The following SLC2A9 variants were observed in gnomAD, a reference collection of about 807,000 sequenced individuals.
SLC2A9 encodes solute carrier family 2, facilitated glucose transporter member 9.
A neutral mutation model predicts 50.6 loss-of-function variants in SLC2A9; 39 were observed. That is an observed-to-expected ratio of 0.77 (90% CI 0.60 to 1.01). SLC2A9 has a LOEUF of 1.01. Ranked by LOEUF, SLC2A9 falls within the 50% of genes least tolerant of loss-of-function variation. The pLI is 0.00. For synonymous variants in SLC2A9, 324 were observed against 276.9 expected, an observed-to-expected ratio of 1.17 and a Z score of -1.69; for missense variants, 686 against 677.6, an observed-to-expected ratio of 1.01 and a Z score of -0.14.
chr4:9,887,012 A>T (rs1736393302), intron 10 of SLC2A9, among the ~76,000 whole-genome samples: 1 of 152,230 alleles, frequency 6.6e-6, no homozygotes, highest in Non-Finnish European at 1.5e-5. Context: ...ACACTCACAC[A>T]GCTACCATGT....
intron 6 of SLC2A9, among the ~76,000 whole-genome samples, chr4:9,929,295 G>A (rs919392712): frequency 4.9e-4 from 74 of 152,334 alleles, no homozygotes; most frequent in African/African-American, 1.7e-3. Flanking sequence ...GCTGGGTGTG[G>A]GAAGTTTACC....
chr4:10,027,388 A>G (rs1433547015), intron 1 of SLC2A9, among the ~76,000 whole-genome samples: 3 of 152,112 alleles, frequency 2.0e-5, no homozygotes, highest in Non-Finnish European at 2.9e-5. Context: ...CCTCCTGTTT[A>G]CCACCCCATT....
Position 9,826,376 on chromosome 4 carries a change from C to A in SLC2A9, c.*21G>T. 4 of 1,612,090 alleles carry A rather than the reference C, an allele frequency of 2.5e-6. 1 individual carries two copies. The South Asian group carries it at 4.4e-5, about 18-fold the overall frequency. ...CAATCCTGTTTTTGACATAATTGTC[C>A]AACGTGGAGGAGGAAACTTGTTAAG... is the stretch of plus-strand genomic sequence containing the variant. On this transcript the variant is annotated 3_prime_UTR_variant, in exon 12 of 12. Coordinates refer to ENST00000264784, the MANE Select transcript of SLC2A9 (RefSeq NM_020041.3).
intron 6 of SLC2A9, among the ~76,000 whole-genome samples, chr4:9,924,501 A>T (rs575811939): frequency 6.6e-6 from 1 of 152,260 alleles, no homozygotes; most frequent in Middle Eastern, 3.4e-3. Context: ...CCCACAGCTG[A>T]CACCTGCTCA....
intron 10 of SLC2A9, among the ~76,000 whole-genome samples, chr4:9,864,651 T>C (rs1464681930): frequency 2.0e-5 from 3 of 152,174 alleles, no homozygotes; most frequent in Non-Finnish European, 2.9e-5. Context: ...AACCCAAGCC[T>C]GGAAGAGTAC....
chr4:9,870,973 T>A (rs1447166562), intron 10 of SLC2A9, among the ~76,000 whole-genome samples: 1 of 152,154 alleles, frequency 6.6e-6, no homozygotes, highest in East Asian at 1.9e-4. Flanking sequence ...TTGCAGTACA[T>A]TGGTGTAATC....
intron 10 of SLC2A9, among the ~76,000 whole-genome samples, chr4:9,881,826 C>G (rs1475680482): frequency 6.6e-6 from 1 of 152,200 alleles, no homozygotes. Context: ...TCTTTACGGT[C>G]TTTTCCAAAC....
At chr4:9,959,455 C>T (rs1364132539) in intron 5 of SLC2A9, among the ~76,000 whole-genome samples, 2 of 149,222 alleles carry the variant, frequency 1.3e-5, no homozygotes, top group African/African-American at 4.9e-5. Flanking sequence ...CAATCTTAGA[C>T]ATCAATGGAT....
At chr4:9,920,931 G>T (rs1743825952) in intron 6 of SLC2A9, among the ~76,000 whole-genome samples, 3 of 152,284 alleles carry the variant, frequency 2.0e-5, no homozygotes, top group South Asian at 4.1e-4. Context: ...GCCTCCAATG[G>T]CTGTTGTAAT....
intron 10 of SLC2A9, among the ~76,000 whole-genome samples, chr4:9,865,623 A>G (rs896471908): frequency 6.6e-6 from 1 of 152,222 alleles, no homozygotes; most frequent in African/African-American, 2.4e-5. Flanking sequence ...CTTCTTGCAT[A>G]ATAGCTCTCA....
chr4:9,805,551 A>T (rs912362395), intron 3 of SLC2A9, among the ~76,000 whole-genome samples: 2 of 152,142 alleles, frequency 1.3e-5, no homozygotes, highest in African/African-American at 4.8e-5. Context: ...ATACAAAAAA[A>T]TCAGCCAGAC....
intron 5 of SLC2A9, among the ~76,000 whole-genome samples, chr4:9,951,133 A>G (rs1053736545): frequency 1.3e-5 from 2 of 152,236 alleles, no homozygotes; most frequent in African/African-American, 4.8e-5. Flanking sequence ...TGGTATATAT[A>G]CATCATGGAA....
rs1433496436 is a variant in SLC2A9 at position 9,863,229 on chromosome 4, C to T, written c.1291+24338G>A. On this transcript the variant is annotated intron_variant, in intron 10 of 11. Transcript: ENST00000264784. ...TGGCATGAACATGGCTCACTCTAAC[C>T]TCGATCTCCTGGGCTCAAGCCATCC... Among the ~76,000 whole-genome samples, 6 of 151,992 alleles carry T rather than the reference C, an allele frequency of 3.9e-5. 1 individual carries two copies. Among genetic ancestry groups the T allele is most frequent in the African/African-American group, 1.5e-4 (6 of 41,252 alleles).
At chr4:9,899,390 A>T (rs1739183334) in intron 8 of SLC2A9, among the ~76,000 whole-genome samples, 1 of 152,250 alleles carries the variant, frequency 6.6e-6, no homozygotes, top group Non-Finnish European at 1.5e-5. Context: ...GCAATTTCAC[A>T]TTCCAGTATT....
upstream of SLC2A9, chr4:10,025,898 A>C: frequency 6.2e-7 from 1 of 1,610,948 alleles, no homozygotes. Flanking sequence ...AAAAAAAAGG[A>C]CTGACCAATT....
intron 3 of SLC2A9, among the ~76,000 whole-genome samples, chr4:9,788,414 C>T (rs575524012): frequency 1.3e-5 from 2 of 149,798 alleles, no homozygotes; most frequent in South Asian, 4.2e-4. Context: ...TGGTCTCAAG[C>T]TCCTGGGCTC....
chr4:9,834,801 C>T (rs1317994742), intron 11 of SLC2A9, 80 bp downstream of exon 11: 41 of 1,597,950 alleles, frequency 2.6e-5, no homozygotes, highest in Non-Finnish European at 3.4e-5. Context: ...GAGAGATCAA[C>T]TTCTGCTCTA....
At chr4:9,866,456 G>A (rs1732482357) in intron 10 of SLC2A9, among the ~76,000 whole-genome samples, 1 of 150,580 alleles carries the variant, frequency 6.6e-6, no homozygotes, top group Non-Finnish European at 1.5e-5. Flanking sequence ...CTGTGGCCAT[G>A]GAGTTTGCTT....
Position 10,019,053 on chromosome 4 carries a change from G to A in SLC2A9, c.171C>T (p.Leu57=). 2 of 1,551,196 alleles carry A rather than the reference G, an allele frequency of 1.3e-6. No individual in the cohort carries two copies. The highest frequency in any genetic ancestry group is 1.2e-5 in the South Asian group (1 of 84,046). The change falls in exon 2 of 12, where the codon CTC becomes CTT. Residue 57 remains leucine, a synonymous_variant. Transcript: ENST00000264784. Reference sequence around the variant, plus strand: ...CGAAGGCGCCCGCGAGGGAGGCCACGAGGAGCGAGCAGGACCAGTCCTGAG... The same window carrying A: ...CGAAGGCGCCCGCGAGGGAGGCCACAAGGAGCGAGCAGGACCAGTCCTGAG... ...RRRKDWSCSL[L]VASLAGAFGS...
Sources: allele counts gnomAD v4.1 joint callset (sites outside exome capture counted in the v4.1 genomes callset), GRCh38; gene constraint gnomAD v4.1.1; transcripts MANE v1.5; gene names NCBI Gene and HGNC (gene_info 2026-07-23, HGNC 2026-07-21).